The following LINGO2 variants were observed in gnomAD, a reference collection of about 807,000 sequenced individuals.
The protein encoded by LINGO2 is leucine-rich repeat and immunoglobulin-like domain-containing nogo receptor-interacting protein 2.
LINGO2 carries 14 observed loss-of-function variants against 30.6 expected under a neutral mutation model. The observed-to-expected ratio is 0.46, with a 90% CI of 0.30 to 0.72. LINGO2 has a LOEUF of 0.72. Ranked by LOEUF, LINGO2 falls within the 30% of genes least tolerant of loss-of-function variation. The pLI is 0.07. For missense variants in LINGO2, 729 were observed against 751.7 expected (o/e 0.97, Z 0.35); for synonymous variants, 317 against 288.5 (o/e 1.10, Z -1.00).
In LINGO2 at chr9:28,383,557, C is replaced by G. The variant is rs1242568426; in HGVS notation, c.-278-10689G>C. Among the ~76,000 whole-genome samples the G allele has an allele frequency of 2.6e-5, 4 of 152,054 alleles. No individual in the cohort carries two copies. The East Asian group carries it at 7.8e-4, about 30-fold the overall frequency. On this transcript the variant is annotated intron_variant, in intron 2 of 5. Transcript: ENST00000379992. ...CTATCTGGAAAGGAAGCAGTCCATA[C>G]AGAGAAACTCACAGTGCACGAAGCC...
chr9:27,958,602 G>A (rs1404704090), intron 5 of LINGO2, among the ~76,000 whole-genome samples: 1 of 151,996 alleles, frequency 6.6e-6, no homozygotes, highest in Admixed American at 6.6e-5. Flanking sequence ...TTTTATAATT[G>A]TCCTATTTTA....
chr9:28,430,109 C>CGTGTGT (rs55989705), intron 2 of LINGO2, among the ~76,000 whole-genome samples: 18,215 of 136,026 alleles, frequency 0.13, 1,255 homozygotes, highest in South Asian at 0.23. Context: ...CGCGCGCGCG[C>CGTGTGT]GTGTGTGTGT....
intron 4 of LINGO2, among the ~76,000 whole-genome samples, chr9:28,176,918 T>C (rs532239754): frequency 4.6e-5 from 7 of 152,326 alleles, no homozygotes; most frequent in African/African-American, 1.7e-4. Context: ...GACAACTTCC[T>C]ATACGAACAT....
At chr9:28,392,339 A>G (rs1821873611) in intron 2 of LINGO2, among the ~76,000 whole-genome samples, 1 of 151,894 alleles carries the variant, frequency 6.6e-6, no homozygotes, top group African/African-American at 2.4e-5. Context: ...TAAAAGCAAC[A>G]CCTTTACCCT....
intron 4 of LINGO2, among the ~76,000 whole-genome samples, chr9:28,097,124 A>G (rs779814995): frequency 6.6e-6 from 1 of 152,148 alleles, no homozygotes; most frequent in African/African-American, 2.4e-5. Flanking sequence ...GCAAATCAAA[A>G]CCACAATGAG....
At chr9:28,439,578 T>C (rs887180988) in intron 2 of LINGO2, among the ~76,000 whole-genome samples, 1 of 152,074 alleles carries the variant, frequency 6.6e-6, no homozygotes, top group Non-Finnish European at 1.5e-5. Context: ...TCATGAGATC[T>C]AGTTGTTTTA....
At chr9:28,898,146 T>G in the LINGO2 span, among the ~76,000 whole-genome samples, 3 of 152,122 alleles carry the variant, frequency 2.0e-5, no homozygotes, top group Admixed American at 6.6e-5. Flanking sequence ...AAAATTACAT[T>G]TCACTGAAAT....
chr9:28,512,591 G>GTATATA (rs1262344382), intron 1 of LINGO2, among the ~76,000 whole-genome samples: 113 of 15,740 alleles, frequency 7.2e-3, no homozygotes, highest in African/African-American at 8.2e-3. Context: ...ATATATATGT[G>GTATATA]TGTATATATA....
the LINGO2 span, among the ~76,000 whole-genome samples, chr9:28,891,238 G>A: frequency 6.6e-6 from 1 of 151,894 alleles, no homozygotes; most frequent in African/African-American, 2.4e-5. Context: ...ATCACACATA[G>A]AATAAGCAAT....
rs117569321 is a variant in LINGO2, at chr9:28,207,900, T to G, written c.-87+87308A>C. On this transcript the variant is annotated intron_variant, in intron 4 of 5. Transcript: ENST00000379992. ...TTTTTTTAAATGTTTTGCATGAAAC[T>G]TGGCTCTTCTGTATGCCTCACAGAG... Among the ~76,000 whole-genome samples, 404 of 152,174 alleles carry G rather than the reference T, an allele frequency of 2.7e-3. 1 individual carries two copies. The highest frequency in any genetic ancestry group is 4.0e-3 in the Non-Finnish European group (271 of 67,978).
chr9:28,123,670 AT>A (rs11432898), intron 4 of LINGO2, among the ~76,000 whole-genome samples: 11,762 of 147,328 alleles, frequency 0.08, 579 homozygotes, highest in Middle Eastern at 0.13. Flanking sequence ...AAAATATTTG[AT>A]TTTTTTTTTT....
At chr9:28,164,828 T>C (rs1250099970) in intron 4 of LINGO2, among the ~76,000 whole-genome samples, 3 of 152,154 alleles carry the variant, frequency 2.0e-5, no homozygotes, top group African/African-American at 7.2e-5. Flanking sequence ...CCTTGCACTT[T>C]CCTCCTGACA....
intron 4 of LINGO2, among the ~76,000 whole-genome samples, chr9:28,206,199 G>GAAGA (rs1820406166): frequency 6.8e-6 from 1 of 146,426 alleles, no homozygotes; most frequent in South Asian, 2.2e-4. Flanking sequence ...AAGGAGGAAG[G>GAAGA]AAGAAATTAT....
At chr9:28,556,375 A>G (rs1039590887) in intron 1 of LINGO2, among the ~76,000 whole-genome samples, 3 of 152,136 alleles carry the variant, frequency 2.0e-5, no homozygotes, top group African/African-American at 4.8e-5. Flanking sequence ...GAGCCAAATC[A>G]TTAGTGAACT....
chr9:28,049,158 TCA>T lies in LINGO2; in HGVS notation c.-86-36755_-86-36754del, dbSNP rs1824557559. ...TGCCTTTATCCTAGTCAGCAATGCA[TCA>T]TGGGACAACATCAAGAGCTCTGTGG... On this transcript the variant is annotated intron_variant, in intron 4 of 5. Coordinates refer to ENST00000379992, the Ensembl canonical transcript of LINGO2. Among the ~76,000 whole-genome samples, 26 of 150,882 alleles carry T rather than the reference TCA, an allele frequency of 1.7e-4. 2 individuals are homozygous for T. Among genetic ancestry groups the T allele is most frequent in the Admixed American group, 1.3e-3 (19 of 15,042 alleles).
At chr9:27,974,218 G>A (rs1197590538) in intron 5 of LINGO2, among the ~76,000 whole-genome samples, 2 of 152,140 alleles carry the variant, frequency 1.3e-5, no homozygotes, top group African/African-American at 4.8e-5. Flanking sequence ...ATTACATGCT[G>A]TCATGTTAGG....
intron 4 of LINGO2, among the ~76,000 whole-genome samples, chr9:28,277,598 G>C (rs1441953398): frequency 6.6e-6 from 1 of 152,128 alleles, no homozygotes; most frequent in African/African-American, 2.4e-5. Context: ...GAGGTCAGGA[G>C]TTTGAGACCA....
chr9:28,941,522 A>C, the LINGO2 span, among the ~76,000 whole-genome samples: 1 of 152,130 alleles, frequency 6.6e-6, no homozygotes, highest in African/African-American at 2.4e-5. Context: ...AAATGTATAC[A>C]TATTATAGTA....
intron 1 of LINGO2, among the ~76,000 whole-genome samples, chr9:28,634,456 C>T (rs949732734): frequency 6.6e-6 from 1 of 151,278 alleles, no homozygotes; most frequent in Non-Finnish European, 1.5e-5. Flanking sequence ...AACTCCCCTC[C>T]CCCCACACTT....
Sources: gnomAD v4.1 joint callset for allele counts (sites outside exome capture counted in the v4.1 genomes callset) on GRCh38, gnomAD v4.1.1 for gene constraint, MANE v1.5 for transcripts, NCBI Gene and HGNC (gene_info 2026-07-23, HGNC 2026-07-21) for gene names.